HYDIN: variants seen among roughly 807,000 people sequenced by gnomAD.
HYDIN encodes HYDIN axonemal central pair apparatus protein.
HYDIN carries 132 observed loss-of-function variants against 403.9 expected under a neutral mutation model. That is an observed-to-expected ratio of 0.33 (90% CI 0.28 to 0.38). HYDIN has a LOEUF of 0.38. Among genes scored for constraint, HYDIN ranks in the 10% least tolerant of loss-of-function variants. HYDIN has a pLI of 1.00. For synonymous variants in HYDIN, 1,202 were observed against 1,891.7 expected (o/e 0.64, Z 9.46); for missense variants, 2,827 against 5,009.5 (o/e 0.56, Z 13.15).
Position 70,908,839 on chromosome 16 carries a change from G to A in HYDIN, c.8027C>T (p.Ser2676Leu). Reference protein sequence around the residue: ...TTKAQEEQTSSSKGGKQKMKE... With the variant: ...TTKAQEEQTSLSKGGKQKMKE... Reference sequence around the variant, plus strand: ...CATTTTCTGTTTGCCCCCCTTAGATGAGCTGGTCTGCTCCTCTTGAGCCTT... The same window carrying A: ...CATTTTCTGTTTGCCCCCCTTAGATAAGCTGGTCTGCTCCTCTTGAGCCTT... Residue 2676 changes from serine (S) to leucine (L), a missense_variant, in exon 48 of 86, where the codon TCA becomes TTA. Coordinates refer to ENST00000393567, the MANE Select transcript of HYDIN (RefSeq NM_001270974.2). 1 of 1,614,104 alleles carries A rather than the reference G, an allele frequency of 6.2e-7. No homozygotes were observed. The highest frequency in any genetic ancestry group is 8.5e-7 in the Non-Finnish European group (1 of 1,180,030).
At chr16:71,122,866 T>G (rs1188540769) in intron 9 of HYDIN, among the ~76,000 whole-genome samples, 1 of 142,756 alleles carries the variant, frequency 7.0e-6, no homozygotes, top group Non-Finnish European at 1.5e-5. Context: ...AGGAGACACT[T>G]GCTAATAGAA....
intron 23 of HYDIN, among the ~76,000 whole-genome samples, chr16:71,013,796 GA>G (rs1183004617): frequency 1.7e-5 from 2 of 121,046 alleles, no homozygotes; most frequent in Admixed American, 8.7e-5. Flanking sequence ...GGTGAGCAGG[GA>G]GGGAACAGAG....
chr16:71,228,715 A>C (rs1310769375), intron 1 of HYDIN, among the ~76,000 whole-genome samples: 3 of 152,236 alleles, frequency 2.0e-5, no homozygotes, highest in Non-Finnish European at 4.4e-5. Context: ...GTGGGACTGT[A>C]AACTAGTTCA....
chr16:70,851,201 T>C (rs909937195), intron 73 of HYDIN, among the ~76,000 whole-genome samples: 1 of 62,160 alleles, frequency 1.6e-5, no homozygotes, highest in African/African-American at 1.1e-4. Context: ...CAATCAATCC[T>C]GCAAAAAAAA....
rs10718035 is a variant in HYDIN, at chr16:70,905,632, TAAA to T, written c.8517-1571_8517-1569del. Among the ~76,000 whole-genome samples, 399 of 99,194 alleles carry T rather than the reference TAAA, an allele frequency of 4.0e-3. 1 individual carries two copies. The highest frequency in any genetic ancestry group is 8.0e-3 in the African/African-American group (151 of 18,772). The allele number at this position is 99,194 out of a possible 152,430, so 65.1% of individuals were successfully genotyped here. Reference sequence around the variant, plus strand: ...TGGGTGACGGAGTAAGACCCTATCTTAAAAAAAAAAAAAAAAAAAAAGACAAGA... The same window carrying T: ...TGGGTGACGGAGTAAGACCCTATCTTAAAAAAAAAAAAAAAAAAGACAAGA... On this transcript the variant is annotated intron_variant, in intron 50 of 85. Coordinates refer to ENST00000393567, the MANE Select transcript of HYDIN (RefSeq NM_001270974.2).
In HYDIN at chr16:70,943,927, G is replaced by C; in HGVS notation, c.6554C>G (p.Pro2185Arg). 3.1e-6 allele frequency: 5 copies of C among 1,610,264 alleles called. No individual in the cohort carries two copies. The South Asian group carries it at 3.3e-5, about 11-fold the overall frequency. The change falls in exon 42 of 86, where the codon CCG becomes CGG. Residue 2185 changes from proline (P) to arginine (R), a missense_variant. Physicochemically the swap from Pro to Arg is moderately radical, Grantham distance 103 (BLOSUM62 -2). Transcript: ENST00000393567. ...TPQISSSPLPPGPIHRWLSVS... is the reference protein window; with the variant it reads ...TPQISSSPLPRGPIHRWLSVS... ...ACTGAGCCAGCGGTGGATGGGCCCC[G>C]GGGGGAGAGGGCTGGAGGAAATCTG...
At chr16:71,210,139 C>T (rs1752321213) in intron 1 of HYDIN, among the ~76,000 whole-genome samples, 1 of 152,166 alleles carries the variant, frequency 6.6e-6, no homozygotes, top group South Asian at 2.1e-4. Flanking sequence ...TACCATTCAA[C>T]CTAGCAATCC....
intron 45 of HYDIN, among the ~76,000 whole-genome samples, chr16:70,929,015 C>T (rs1388442522): frequency 1.3e-5 from 2 of 151,726 alleles, no homozygotes; most frequent in African/African-American, 4.8e-5. Flanking sequence ...TTTTGTTGGG[C>T]GCGGTGGCTC....
At chr16:71,149,378 C>T (rs2085444493) in intron 7 of HYDIN, among the ~76,000 whole-genome samples, 2 of 147,782 alleles carry the variant, frequency 1.4e-5, no homozygotes, top group South Asian at 2.2e-4. Flanking sequence ...AAGTTTCTTA[C>T]AAAGTTAAGC....
chr16:70,872,362 C>A (rs1262361846), intron 64 of HYDIN, among the ~76,000 whole-genome samples, 183 bp from the exon 65 acceptor site: 2 of 129,818 alleles, frequency 1.5e-5, no homozygotes, highest in Non-Finnish European at 3.1e-5. Flanking sequence ...ATCCACCCAT[C>A]CATCCATCTA....
At chr16:71,207,090 C>A (rs528499417) in intron 1 of HYDIN, among the ~76,000 whole-genome samples, 8 of 152,254 alleles carry the variant, frequency 5.3e-5, no homozygotes, top group African/African-American at 1.9e-4. Flanking sequence ...CCAAAAGACA[C>A]TTCACAAGAA....
rs1326711407 is a variant in HYDIN, at chr16:70,913,464, G to C, written c.8005-4603C>G. 2.7e-5 allele frequency among the ~76,000 whole-genome samples: 4 copies of C among 149,536 alleles called. No individual in the cohort carries two copies. In the South Asian group the frequency reaches 6.5e-4, roughly 24 times the overall value. The stretch of plus-strand genomic sequence containing the variant: ...AGGTTCCTTCTGGAGTTGATTTCCA[G>C]TTTTATTCCACTGTGGTCTGAGAGA... On this transcript the variant is annotated intron_variant, in intron 47 of 85. Coordinates refer to ENST00000393567, the MANE Select transcript of HYDIN (RefSeq NM_001270974.2).
intron 19 of HYDIN, among the ~76,000 whole-genome samples, chr16:71,030,575 C>T (rs529059299): frequency 1.3e-4 from 20 of 151,712 alleles, no homozygotes; most frequent in South Asian, 4.2e-4. Flanking sequence ...TGGGACTACA[C>T]GCACCTGCCA....
intron 3 of HYDIN, among the ~76,000 whole-genome samples, chr16:71,179,459 A>G (rs1420431082): frequency 6.6e-6 from 1 of 152,216 alleles, no homozygotes; most frequent in African/African-American, 2.4e-5. Flanking sequence ...GTTGTCACCA[A>G]CTTCTAAAGG....
chr16:70,855,009 T>C (rs71401841), intron 73 of HYDIN, 119 bp downstream of exon 73: 54,662 of 729,326 alleles, frequency 0.075, 2,634 homozygotes, highest in African/African-American at 0.19. Flanking sequence ...GGAATTGTTA[T>C]GATGTAATCT....
intron 69 of HYDIN, among the ~76,000 whole-genome samples, chr16:70,861,120 G>C (rs555490055): frequency 1.3e-5 from 2 of 152,002 alleles, no homozygotes; most frequent in South Asian, 4.2e-4. Context: ...AAGTATGGCC[G>C]CAGGTTACTT....
At chr16:71,203,973 G>C (rs1049665252) in intron 1 of HYDIN, 1 of 338,592 alleles carries the variant, frequency 3.0e-6, no homozygotes, top group Non-Finnish European at 5.8e-6. Flanking sequence ...ACTGAAGTGG[G>C]AGGATGGCTT....
At chr16:71,199,413 GTCAT>G (rs2087874262) in intron 1 of HYDIN, among the ~76,000 whole-genome samples, 1 of 152,082 alleles carries the variant, frequency 6.6e-6, no homozygotes, top group Non-Finnish European at 1.5e-5. Context: ...GCAGGCTCTG[GTCAT>G]CAATCCCTGT....
intron 23 of HYDIN, among the ~76,000 whole-genome samples, chr16:70,992,507 G>A (rs1031069926): frequency 7.0e-6 from 1 of 143,804 alleles, no homozygotes; most frequent in Non-Finnish European, 1.5e-5. Flanking sequence ...GTTAGATGTG[G>A]ACTCGCTGAG....
Sources: allele counts gnomAD v4.1 joint callset (sites outside exome capture counted in the v4.1 genomes callset), GRCh38; gene constraint gnomAD v4.1.1; transcripts MANE v1.5; gene names NCBI Gene and HGNC (gene_info 2026-07-23, HGNC 2026-07-21).